CTNNA3: variants seen among roughly 807,000 people sequenced by gnomAD.
CTNNA3 encodes the protein catenin alpha 3, also known as catenin alpha-3.
A neutral mutation model predicts 95.7 loss-of-function variants in CTNNA3; 76 were observed. The ratio of observed to expected loss-of-function variants is 0.79; its 90% CI spans 0.66 to 0.96. The LOEUF (loss-of-function observed/expected upper bound fraction) is 0.96, where lower values mean the gene tolerates loss of function less well. Among genes scored for constraint, CTNNA3 ranks in the 40% least tolerant of loss-of-function variants. The probability of loss-of-function intolerance (pLI) is 0.00; values close to 1 mark genes in which losing one functional copy is unlikely to be tolerated. For synonymous variants in CTNNA3, 431 were observed against 374.4 expected, an observed-to-expected ratio of 1.15 and a Z score of -1.74; for missense variants, 1,191 against 1,089.8, an observed-to-expected ratio of 1.09 and a Z score of -1.31.
intron 5 of CTNNA3, among the ~76,000 whole-genome samples, chr10:67,224,767 T>C (rs1462055986): frequency 6.6e-6 from 1 of 151,926 alleles, no homozygotes; most frequent in Non-Finnish European, 1.5e-5. Context: ...AGGGATCCAC[T>C]GGGAGGGCAG....
intron 7 of CTNNA3, among the ~76,000 whole-genome samples, chr10:66,963,697 A>G (rs1005167286): frequency 1.3e-5 from 2 of 152,168 alleles, no homozygotes; most frequent in Admixed American, 6.5e-5. Flanking sequence ...TCCAAAATAG[A>G]AGGAGACCAA....
intron 13 of CTNNA3, among the ~76,000 whole-genome samples, chr10:66,178,440 T>TATACATATATATATATATAC (rs1554880301): frequency 1.2e-4 from 13 of 105,762 alleles, no homozygotes; most frequent in Non-Finnish European, 2.3e-4. Flanking sequence ...TATATATATA[T>TATACATATATATATATATAC]ATACACACAC....
intron 5 of CTNNA3, among the ~76,000 whole-genome samples, chr10:67,408,576 A>G (rs558863468): frequency 6.6e-6 from 1 of 152,160 alleles, no homozygotes; most frequent in Non-Finnish European, 1.5e-5. Flanking sequence ...ACTATATATA[A>G]AAATCAACTC....
intron 7 of CTNNA3, among the ~76,000 whole-genome samples, chr10:66,853,806 G>T (rs761130309): frequency 5.3e-5 from 8 of 151,974 alleles, no homozygotes; most frequent in Non-Finnish European, 1.2e-4. Flanking sequence ...TCTGAGCATT[G>T]TTTCTTCTAG....
intron 11 of CTNNA3, among the ~76,000 whole-genome samples, chr10:66,415,583 T>C (rs2093139737): frequency 6.6e-6 from 1 of 152,124 alleles, no homozygotes; most frequent in South Asian, 2.1e-4. Flanking sequence ...TATGACATTA[T>C]GGGGCATATG....
Position 67,564,663 on chromosome 10 carries a change from A to ATGTGTG in CTNNA3, c.293-25000_293-24995dup, listed in dbSNP as rs1201263970. ...ATAACAACTGTATATATATGCATATATGTGTGTGTGTGTGTATATATATAT... is the reference window on the plus strand; with the variant it reads ...ATAACAACTGTATATATATGCATATATGTGTGTGTGTGTGTGTGTGTATATATATAT... On this transcript the variant is annotated intron_variant, in intron 3 of 17. Coordinates refer to ENST00000433211, the MANE Select transcript of CTNNA3 (RefSeq NM_013266.4). Among the ~76,000 whole-genome samples, 79 of 95,502 alleles carry ATGTGTG rather than the reference A, an allele frequency of 8.3e-4. 1 individual carries two copies. The highest frequency in any genetic ancestry group is 3.2e-3 in the African/African-American group (64 of 19,864). The allele number at this position is 95,502 out of a possible 152,430, so 62.7% of individuals were successfully genotyped here.
chr10:66,794,481 T>C (rs1841111985), intron 7 of CTNNA3, among the ~76,000 whole-genome samples: 1 of 152,158 alleles, frequency 6.6e-6, no homozygotes, highest in Non-Finnish European at 1.5e-5. Flanking sequence ...CTAAAAAATG[T>C]ACATACCTTA....
intron 10 of CTNNA3, among the ~76,000 whole-genome samples, chr10:66,567,427 T>C (rs1017551483): frequency 2.0e-5 from 3 of 152,070 alleles, no homozygotes; most frequent in Non-Finnish European, 4.4e-5. Flanking sequence ...AAGACCAGCC[T>C]GGGCAACATA....
chr10:66,811,130 A>C (rs888111314), intron 7 of CTNNA3, among the ~76,000 whole-genome samples: 2 of 152,186 alleles, frequency 1.3e-5, no homozygotes, highest in African/African-American at 4.8e-5. Flanking sequence ...GCACTAGTCC[A>C]TGTAGTATAC....
intron 11 of CTNNA3, among the ~76,000 whole-genome samples, chr10:66,496,006 A>G (rs1173298386): frequency 6.6e-6 from 1 of 152,200 alleles, no homozygotes; most frequent in East Asian, 1.9e-4. Flanking sequence ...TCCACCATGC[A>G]GTAATGACAA....
chr10:66,967,349 TAG>T (rs1589511754), intron 7 of CTNNA3, among the ~76,000 whole-genome samples: 2 of 151,570 alleles, frequency 1.3e-5, no homozygotes, highest in East Asian at 3.9e-4. Flanking sequence ...TATATATAGA[TAG>T]ATAGATAGAT....
intron 1 of CTNNA3, among the ~76,000 whole-genome samples, chr10:67,729,559 T>G (rs1294176043): frequency 6.6e-6 from 1 of 152,114 alleles, no homozygotes; most frequent in Non-Finnish European, 1.5e-5. Flanking sequence ...TTAATAAACT[T>G]TTGTGATTTT....
At chr10:67,124,333 G>GGT (rs141981196) in intron 7 of CTNNA3, among the ~76,000 whole-genome samples, 39,927 of 141,572 alleles carry the variant, frequency 0.28, 5,572 homozygotes, top group Middle Eastern at 0.41. Flanking sequence ...GTGTGTTAGC[G>GGT]GTGTGTGTGT....
At chr10:66,558,178 G>A (rs1483610774) in intron 10 of CTNNA3, among the ~76,000 whole-genome samples, 1 of 152,080 alleles carries the variant, frequency 6.6e-6, no homozygotes, top group African/African-American at 2.4e-5. Flanking sequence ...TTTGGACAAA[G>A]CAGCTAGGTT....
At chr10:65,994,370 T>A (rs1443164682) in intron 15 of CTNNA3, among the ~76,000 whole-genome samples, 1 of 152,084 alleles carries the variant, frequency 6.6e-6, no homozygotes, top group Non-Finnish European at 1.5e-5. Context: ...GGAAAGAGTT[T>A]ATTTCTTTTT....
chr10:66,723,067 GT>G (rs79798401), intron 9 of CTNNA3, among the ~76,000 whole-genome samples: 3,646 of 152,184 alleles, frequency 0.024, 179 homozygotes, highest in East Asian at 0.22. Flanking sequence ...CACCTTGTTG[GT>G]TTTTATGGAT....
chr10:67,037,292 C>T (rs191179480), intron 7 of CTNNA3, among the ~76,000 whole-genome samples: 20 of 151,548 alleles, frequency 1.3e-4, no homozygotes, highest in African/African-American at 4.4e-4. Flanking sequence ...GCCATCCTTT[C>T]TCTTCTTTCA....
chr10:66,961,684 G>A (rs1849115811), intron 7 of CTNNA3, among the ~76,000 whole-genome samples: 2 of 152,012 alleles, frequency 1.3e-5, no homozygotes, highest in Non-Finnish European at 2.9e-5. Flanking sequence ...CTGAATTCTA[G>A]ATTTGTATAT....
chr10:66,454,892 A>T (rs1465121279), intron 11 of CTNNA3, among the ~76,000 whole-genome samples: 2 of 151,996 alleles, frequency 1.3e-5, no homozygotes, highest in Non-Finnish European at 2.9e-5. Context: ...AAATATAAAC[A>T]TCATATATTA....
Sources: gnomAD v4.1 joint callset for allele counts (sites outside exome capture counted in the v4.1 genomes callset) on GRCh38, gnomAD v4.1.1 for gene constraint, MANE v1.5 for transcripts, NCBI Gene and HGNC (gene_info 2026-07-23, HGNC 2026-07-21) for gene names.